Variants in NAV2 observed in about 807,000 individuals in gnomAD.
NAV2 encodes helicase, APC down-regulated 1.
A neutral mutation model predicts 223.2 loss-of-function variants in NAV2; 54 were observed. The ratio of observed to expected loss-of-function variants is 0.24; its 90% confidence interval spans 0.19 to 0.30. The LOEUF (loss-of-function observed/expected upper bound fraction) is 0.30. NAV2 is among the 10% of genes least tolerant of loss of function. The pLI, the probability that NAV2 is intolerant of heterozygous loss-of-function variation, is 1.00. For missense variants in NAV2, 2,806 were observed against 3,147.5 expected, an observed-to-expected ratio of 0.89 and a Z score of 2.60; for synonymous variants, 1,279 against 1,239.3, an observed-to-expected ratio of 1.03 and a Z score of -0.67.
At chr11:19,660,383 A>T (rs1340629411) in intron 1 of NAV2, among the ~76,000 whole-genome samples, 1 of 152,026 alleles carries the variant, frequency 6.6e-6, no homozygotes, top group Admixed American at 6.6e-5. Flanking sequence ...GTCACTCACC[A>T]CTTCCTGGCC....
intron 1 of NAV2, among the ~76,000 whole-genome samples, chr11:19,595,178 A>T (rs1411081586): frequency 6.6e-6 from 1 of 152,176 alleles, no homozygotes; most frequent in South Asian, 2.1e-4. Context: ...ACCATCTTCC[A>T]GTCCTTATTG....
chr11:20,072,441 T>G lies in NAV2; in HGVS notation c.4983+4043T>G, dbSNP rs546877198. Among the ~76,000 whole-genome samples, 15 of 132,830 alleles carry G rather than the reference T, an allele frequency of 1.1e-4. No homozygotes were observed. In the South Asian group the frequency reaches 4.0e-3, roughly 35 times the overall value. The allele number at this position is 132,830 out of a possible 152,430, so 87.1% of individuals were successfully genotyped here. On this transcript the variant is annotated intron_variant, in intron 22 of 37. Coordinates refer to ENST00000349880, the MANE Select transcript of NAV2 (RefSeq NM_145117.5). ...GACTCTTTTTTGGTTCCATATGAAA[T>G]TTAAAGTAGTTTTTTTACAATTCTG...
Position 20,031,408 on chromosome 11 carries a change from G to A in NAV2, c.2769-4551G>A, listed in dbSNP as rs1236407417. 2.0e-5 allele frequency among the ~76,000 whole-genome samples: 3 copies of A among 152,182 alleles called. No individual in the cohort carries two copies. In the South Asian group the frequency reaches 6.2e-4, roughly 32 times the overall value. Reference sequence around the variant, plus strand: ...TGTCCTTACTGCCTGAGTGAATTCTGCATGCTTTCCACATTTTTCCCATCT... The same window carrying A: ...TGTCCTTACTGCCTGAGTGAATTCTACATGCTTTCCACATTTTTCCCATCT... On this transcript the variant is annotated intron_variant, in intron 11 of 37. Coordinates refer to ENST00000349880, the MANE Select transcript of NAV2 (RefSeq NM_145117.5).
intron 1 of NAV2, among the ~76,000 whole-genome samples, chr11:19,365,134 G>A (rs894654128): frequency 2.6e-5 from 4 of 152,184 alleles, no homozygotes; most frequent in African/African-American, 9.7e-5. Context: ...AATAGCTTAT[G>A]TTTGGGCAAA....
Position 19,713,999 on chromosome 11 carries a change from G to A in NAV2, c.267+37G>A, listed in dbSNP as rs781762460. On this transcript the variant is annotated intron_variant, in intron 1 of 37. Coordinates refer to ENST00000349880, the MANE Select transcript of NAV2 (RefSeq NM_145117.5). This position sits in a 1 kb window ranked among gnomAD's most constrained non-coding sequence, Gnocchi z 7.2. ...CGTTTGCCGGGGTACTGTTCTGGAA[G>A]GATGGATGAATAGTTCTTTCGGGAT... 2.8e-5 allele frequency: 45 copies of A among 1,607,564 alleles called. No homozygotes were observed. Among genetic ancestry groups the A allele is most frequent in the Non-Finnish European group, 3.7e-5 (44 of 1,176,976 alleles).
chr11:20,017,363 T>G (rs2054103103), intron 11 of NAV2, among the ~76,000 whole-genome samples: 1 of 152,174 alleles, frequency 6.6e-6, no homozygotes, highest in Non-Finnish European at 1.5e-5. Context: ...CCCCAACCCC[T>G]TCGTCTGGAA....
intron 1 of NAV2, among the ~76,000 whole-genome samples, chr11:19,367,072 G>C (rs1848310934): frequency 6.6e-6 from 1 of 152,126 alleles, no homozygotes; most frequent in South Asian, 2.1e-4. Flanking sequence ...TCATGACAAG[G>C]GTGGGAGAAC....
intron 4 of NAV2, among the ~76,000 whole-genome samples, chr11:19,879,432 C>G (rs918451422): frequency 2.0e-5 from 3 of 152,196 alleles, no homozygotes; most frequent in Middle Eastern, 3.4e-3. Context: ...GAGCGCAGAT[C>G]ATGGAGTGGG....
At chr11:19,517,127 AT>A (rs1442329223) in intron 1 of NAV2, among the ~76,000 whole-genome samples, 1 of 152,092 alleles carries the variant, frequency 6.6e-6, no homozygotes. Flanking sequence ...AGTAGAAGGA[AT>A]CACTGCTAAC....
intron 6 of NAV2, among the ~76,000 whole-genome samples, chr11:19,894,293 T>C (rs1433534058): frequency 1.3e-5 from 2 of 152,166 alleles, no homozygotes; most frequent in African/African-American, 2.4e-5. Context: ...GGGAAACAAA[T>C]GCTTGAAGCT....
At position 19,610,795 on chromosome 11, in the gene NAV2, T is replaced by C. The variant is rs555427859; in HGVS notation, c.76-221689T>C. On this transcript the variant is annotated intron_variant, in intron 1 of 37. Coordinates refer to the NAV2 transcript ENST00000360655. ...ATAAGTGGATGGACAGATGGATGGA[T>C]GGATGGGGCAGTGGATGGATGGATG... Among the ~76,000 whole-genome samples the C allele has an allele frequency of 2.1e-3, 320 of 152,056 alleles. 1 individual carries two copies. Among genetic ancestry groups the C allele is most frequent in the African/African-American group, 7.3e-3 (304 of 41,488 alleles).
chr11:19,777,985 G>A, intron 1 of NAV2: 1 of 455,960 alleles, frequency 2.2e-6, no homozygotes. Flanking sequence ...AGCCCCGAGT[G>A]AGTGAGTATG....
At chr11:20,012,695 G>GT (rs869048475) in intron 11 of NAV2, among the ~76,000 whole-genome samples, 12 of 204 alleles carry the variant, frequency 0.059, no homozygotes, top group African/African-American at 0.095. Flanking sequence ...AAAAAAAGAA[G>GT]GGGGAAAAGA....
chr11:19,841,870 C>T (rs1241969633), intron 2 of NAV2, among the ~76,000 whole-genome samples: 1 of 152,174 alleles, frequency 6.6e-6, no homozygotes, highest in African/African-American at 2.4e-5. Context: ...ACGTGTTGGG[C>T]ACCGTGCTAA....
intron 10 of NAV2, among the ~76,000 whole-genome samples, chr11:19,959,542 A>C (rs992360818): frequency 1.3e-5 from 2 of 152,236 alleles, no homozygotes; most frequent in African/African-American, 4.8e-5. Flanking sequence ...GAGGTGACAC[A>C]GGCAAAGTGC....
chr11:19,564,018 T>G (rs1032732634), intron 1 of NAV2, among the ~76,000 whole-genome samples: 2 of 152,228 alleles, frequency 1.3e-5, no homozygotes, highest in African/African-American at 4.8e-5. Context: ...GTTCTTTAGA[T>G]ACATTCCCTG....
chr11:19,618,732 G>C (rs1371573987), intron 1 of NAV2, among the ~76,000 whole-genome samples: 1 of 152,062 alleles, frequency 6.6e-6, no homozygotes, highest in Non-Finnish European at 1.5e-5. Context: ...AGGGCTCTGA[G>C]GGGAGATATA....
intron 6 of NAV2, among the ~76,000 whole-genome samples, chr11:19,908,155 G>A (rs2043024846): frequency 1.3e-5 from 2 of 152,242 alleles, no homozygotes; most frequent in South Asian, 2.1e-4. Context: ...CTTCTCAGAT[G>A]TAACGCTTCA....
chr11:19,849,660 A>T (rs533174371), intron 3 of NAV2, among the ~76,000 whole-genome samples: 1 of 152,176 alleles, frequency 6.6e-6, no homozygotes, highest in Non-Finnish European at 1.5e-5. Flanking sequence ...TGGGCAGCTG[A>T]GTTGCCTCTT....
Sources: allele counts gnomAD v4.1 joint callset (sites outside exome capture counted in the v4.1 genomes callset), GRCh38; gene constraint gnomAD v4.1.1; non-coding constraint Gnocchi (gnomAD v3.1); transcripts MANE v1.5; gene names NCBI Gene and HGNC (gene_info 2026-07-23, HGNC 2026-07-21).